Variants in SERPINF1 observed in about 807,000 individuals in gnomAD.
The protein encoded by SERPINF1 is serpin family F member 1.
A neutral mutation model predicts 37.3 loss-of-function variants in SERPINF1; 29 were observed. That is an observed-to-expected ratio of 0.78 (90% CI 0.58 to 1.06). The LOEUF (loss-of-function observed/expected upper bound fraction) is 1.06. SERPINF1 is among the 50% of genes least tolerant of loss of function. The pLI is 0.00. For missense variants in SERPINF1, 553 were observed against 532.2 expected, an observed-to-expected ratio of 1.04 and a Z score of -0.38; for synonymous variants, 281 against 227.9, an observed-to-expected ratio of 1.23 and a Z score of -2.10.
chr17:1,768,114 A>G (rs2151206137), intron 2 of SERPINF1, among the ~76,000 whole-genome samples: 1 of 151,836 alleles, frequency 6.6e-6, no homozygotes, highest in African/African-American at 2.4e-5. Context: ...AGGTGGGAGG[A>G]TCACTTGAGC....
At chr17:1,764,516 C>T (rs1907256521) in intron 1 of SERPINF1, among the ~76,000 whole-genome samples, 1 of 152,272 alleles carries the variant, frequency 6.6e-6, no homozygotes, top group African/African-American at 2.4e-5. Flanking sequence ...TGGCTGGGAA[C>T]GCAGAGGTCT....
rs182108097 is a variant in SERPINF1, at chr17:1,763,446, C to T, written c.-9+1333C>T. On this transcript the variant is annotated intron_variant, in intron 1 of 7. Transcript: ENST00000254722. ...CTGAGCCCTCCCCCGCCTGCTAGGA[C>T]GAGAGCGGGGCTTGGATACTGCCCT... Among the ~76,000 whole-genome samples, 15 of 152,322 alleles carry T rather than the reference C, an allele frequency of 9.8e-5. No homozygotes were observed. The East Asian group carries it at 1.9e-3, about 20-fold the overall frequency.
intron 4 of SERPINF1, chr17:1,771,644 G>A: frequency 1.7e-6 from 1 of 586,940 alleles, no homozygotes; most frequent in Non-Finnish European, 3.1e-6. Context: ...GGCTGCAGGA[G>A]ACGGTGGGAG....
chr17:1,767,081 C>T (rs555700789), intron 2 of SERPINF1, 87 bp downstream of exon 2: 3 of 1,170,180 alleles, frequency 2.6e-6, no homozygotes, highest in South Asian at 2.8e-5. Context: ...GAACCCGGAC[C>T]CAGGTTCCAG....
At chr17:1,772,590 GCT>G (rs1281616137) in intron 5 of SERPINF1, among the ~76,000 whole-genome samples, 1 of 140,180 alleles carries the variant, frequency 7.1e-6, no homozygotes, top group Non-Finnish European at 1.5e-5. Flanking sequence ...ACAGAGTCTT[GCT>G]CTGTCACCCA....
At chr17:1,768,201 G>A (rs1178884259) in intron 2 of SERPINF1, among the ~76,000 whole-genome samples, 1 of 152,108 alleles carries the variant, frequency 6.6e-6, no homozygotes, top group East Asian at 1.9e-4. Context: ...GGAGGCGGAG[G>A]TGGGTGGATC....
intron 7 of SERPINF1, 122 bp downstream of exon 7, chr17:1,776,864 T>C: frequency 6.8e-6 from 6 of 887,068 alleles, no homozygotes; most frequent in Non-Finnish European, 1.1e-5. Context: ...CGTGGATGAG[T>C]CCTTAATCCT....
At chr17:1,777,035 C>T (rs954032747) in intron 7 of SERPINF1, 152 bp from the exon 8 acceptor site, 9 of 1,212,350 alleles carry the variant, frequency 7.4e-6, no homozygotes, top group Admixed American at 7.4e-5. Context: ...TGCTCCTGGG[C>T]AAGTCACTCC....
Position 1,767,409 on chromosome 17 carries a change from C to T in SERPINF1, c.84+415C>T, listed in dbSNP as rs563092009. Among the ~76,000 whole-genome samples the T allele has an allele frequency of 4.6e-5, 7 of 152,234 alleles. No individual in the cohort carries two copies. In the South Asian group the frequency reaches 1.0e-3, roughly 23 times the overall value. On this transcript the variant is annotated intron_variant, in intron 2 of 7. Coordinates refer to ENST00000254722, the MANE Select transcript of SERPINF1 (RefSeq NM_002615.7). ...CTCCTGCCTCGGCCTCCCAAAGTGCCGGGATGACAGGTGTGAGCCACCGCA... is the reference window on the plus strand; with the variant it reads ...CTCCTGCCTCGGCCTCCCAAAGTGCTGGGATGACAGGTGTGAGCCACCGCA...
At chr17:1,770,820 C>T (rs568403921) in intron 3 of SERPINF1, 8 of 593,430 alleles carry the variant, frequency 1.3e-5, no homozygotes, top group African/African-American at 5.5e-5. Context: ...CACTCCCTCA[C>T]TCCCACCTTC....
At chr17:1,770,740 G>A (rs184480118) in intron 3 of SERPINF1, 16 of 388,294 alleles carry the variant, frequency 4.1e-5, no homozygotes, top group East Asian at 1.2e-4. Flanking sequence ...GATTACAGGC[G>A]TGAGCCACCG....
chr17:1,776,528 T>C lies in SERPINF1; in HGVS notation c.787-4T>C, dbSNP rs1908037311. 1 of 1,613,960 alleles carries C rather than the reference T, an allele frequency of 6.2e-7. No homozygotes were observed. The highest frequency in any genetic ancestry group is 8.5e-7 in the Non-Finnish European group (1 of 1,179,996). On this transcript the variant is annotated splice_region_variant and splice_polypyrimidine_tract_variant and intron_variant, in intron 6 of 7. Transcript: ENST00000254722. ...CTAACCACATGCTTTCTCACTTGTC[T>C]CAGATTGCCCAGCTGCCCTTGACCG...
At chr17:1,775,032 A>G in intron 5 of SERPINF1, 26 bp from the exon 6 acceptor site, 2 of 1,614,124 alleles carry the variant, frequency 1.2e-6, no homozygotes, top group East Asian at 2.2e-5. Flanking sequence ...CCTGGGGCTC[A>G]GACTATGTCA....
intron 2 of SERPINF1, among the ~76,000 whole-genome samples, chr17:1,767,838 G>T (rs1195882208): frequency 6.6e-6 from 1 of 152,152 alleles, no homozygotes; most frequent in African/African-American, 2.4e-5. Flanking sequence ...ATTCTACAGG[G>T]CCATGTGGCC....
rs4491566 is a variant in SERPINF1, at chr17:1,771,311, T to C, written c.439+127T>C. 0.68 allele frequency: 656,642 copies of C among 969,736 alleles called. 224,711 individuals are homozygous for C. The highest frequency in any genetic ancestry group is 0.76 in the East Asian group (26,623 of 35,092). The allele number at this position is 969,736 out of a possible 1,614,324, so 60.1% of individuals were successfully genotyped here. On this transcript the variant is annotated intron_variant, in intron 4 of 7. Transcript: ENST00000254722. ...TTGCCCAGGCTGGAGTGCAGTGGCG[T>C]GATCTCGGCTCACTGCAACCTCCAC...
chr17:1,771,800 C>CT (rs745934500), intron 4 of SERPINF1, 72 bp from the exon 5 acceptor site: 6 of 1,485,342 alleles, frequency 4.0e-6, no homozygotes, highest in Non-Finnish European at 5.6e-6. Context: ...GAACCCGAGC[C>CT]TGGCAGGCTC....
In SERPINF1 at chr17:1,777,390, A is replaced by G; in HGVS notation, c.1201A>G (p.Thr401Ala). The G allele has an allele frequency of 6.2e-7, 1 of 1,614,142 alleles. No individual in the cohort carries two copies. The highest frequency in any genetic ancestry group is 8.5e-7 in the Non-Finnish European group (1 of 1,180,028). Reference protein sequence around the residue: ...NQPFIFVLRDTDTGALLFIGK... With the variant: ...NQPFIFVLRDADTGALLFIGK... ...GCCTTTCATCTTCGTACTGAGGGAC[A>G]CAGACACAGGGGCCCTTCTCTTCAT... Residue 401 changes from threonine to alanine, a missense_variant, in exon 8 of 8, where the codon ACA becomes GCA. By Grantham distance (58) the Thr-to-Ala change is moderately conservative. Coordinates refer to ENST00000254722, the MANE Select transcript of SERPINF1 (RefSeq NM_002615.7).
At chr17:1,771,539 G>A (rs547834376) in intron 4 of SERPINF1, among the ~76,000 whole-genome samples, 5 of 151,974 alleles carry the variant, frequency 3.3e-5, no homozygotes, top group Non-Finnish European at 7.4e-5. Flanking sequence ...CGCTCGGCCC[G>A]TTTCTAAACA....
At chr17:1,769,111 T>C (rs1355328019) in intron 2 of SERPINF1, among the ~76,000 whole-genome samples, 2 of 151,744 alleles carry the variant, frequency 1.3e-5, no homozygotes, top group African/African-American at 4.8e-5. Context: ...TGATGGTTTT[T>C]AAAAAGTGGG....
Sources: gnomAD v4.1 joint callset for allele counts (sites outside exome capture counted in the v4.1 genomes callset) on GRCh38, gnomAD v4.1.1 for gene constraint, MANE v1.5 for transcripts, NCBI Gene and HGNC (gene_info 2026-07-23, HGNC 2026-07-21) for gene names.